PALLD: variants seen among roughly 807,000 people sequenced by gnomAD.
The protein encoded by PALLD is palladin, cytoskeletal associated protein.
Under a neutral mutation model 123.5 loss-of-function variants are expected in PALLD, and 61 were observed. The ratio of observed to expected loss-of-function variants is 0.49; its 90% CI spans 0.40 to 0.61. PALLD has a LOEUF of 0.61. Among genes scored for constraint, PALLD ranks in the 20% least tolerant of loss-of-function variants. The pLI, the probability that PALLD is intolerant of heterozygous loss-of-function variation, is 0.00. For missense variants in PALLD, 1,273 were observed against 1,377.0 expected (o/e 0.92, Z 1.20); for synonymous variants, 465 against 496.4 (o/e 0.94, Z 0.84).
chr4:168,642,326 C>T (rs1777041992), intron 2 of PALLD, among the ~76,000 whole-genome samples: 1 of 152,196 alleles, frequency 6.6e-6, no homozygotes, highest in Non-Finnish European at 1.5e-5. Flanking sequence ...TTGGTAGACA[C>T]ATTCCACTTA....
chr4:168,916,002 G>C lies in PALLD; in HGVS notation c.2825G>C (p.Gly942Ala), dbSNP rs1043925326. The change falls in exon 17 of 22, where the codon GGA becomes GCA. Residue 942 changes from glycine to alanine, a missense_variant. Gly to Ala is a moderately conservative substitution (Grantham distance 60). Coordinates refer to ENST00000505667, the MANE Select transcript of PALLD (RefSeq NM_001166108.2). ...QAPGDLTVQE[G>A]KLCRMDCKVS... is the part of the protein sequence containing the mutation. ...CCTGGAGATCTGACTGTTCAAGAAG[G>C]AAAACTCTGCAGAATGGACTGCAAA... 1 of 1,613,884 alleles carries C rather than the reference G, an allele frequency of 6.2e-7. No individual in the cohort carries two copies. The highest frequency in any genetic ancestry group is 8.5e-7 in the Non-Finnish European group (1 of 1,179,854).
At chr4:168,660,364 C>T (rs901729434) in intron 2 of PALLD, among the ~76,000 whole-genome samples, 2 of 152,168 alleles carry the variant, frequency 1.3e-5, no homozygotes, top group African/African-American at 2.4e-5. Context: ...CCTTTAACAA[C>T]TGGACTCAGA....
intron 2 of PALLD, among the ~76,000 whole-genome samples, chr4:168,646,973 A>G (rs548137002): frequency 3.4e-4 from 52 of 152,350 alleles, no homozygotes; most frequent in Middle Eastern, 6.8e-3. Context: ...TATAACACAT[A>G]CAACCAATAC....
chr4:168,829,042 C>G (rs1343142804), intron 10 of PALLD: 1 of 152,198 alleles, frequency 6.6e-6, no homozygotes, highest in Non-Finnish European at 1.5e-5. Flanking sequence ...CTTTTTCAAA[C>G]TTGGCAGAAA....
chr4:168,926,587 G>T lies in PALLD; in HGVS notation c.*407G>T. 1 of 478,916 alleles carries T rather than the reference G, an allele frequency of 2.1e-6. No individual in the cohort carries two copies. Among genetic ancestry groups the T allele is most frequent in the Non-Finnish European group, 3.7e-6 (1 of 271,564 alleles). The allele number at this position is 478,916 out of a possible 1,614,324, so 29.7% of individuals were successfully genotyped here. ...CTAATACAAATATACACATTGCACAGAAAATACACATTTACTGTCCAATTT... is the reference window on the plus strand; with the variant it reads ...CTAATACAAATATACACATTGCACATAAAATACACATTTACTGTCCAATTT... On this transcript the variant is annotated 3_prime_UTR_variant, in exon 22 of 22. Transcript: ENST00000505667.
chr4:168,923,522 A>G (rs894654245), intron 18 of PALLD, among the ~76,000 whole-genome samples: 1 of 152,116 alleles, frequency 6.6e-6, no homozygotes, highest in African/African-American at 2.4e-5. Context: ...TTCCCATTGG[A>G]TGGTATTATT....
chr4:168,571,271 T>C (rs368063915), intron 2 of PALLD, among the ~76,000 whole-genome samples: 1 of 152,184 alleles, frequency 6.6e-6, no homozygotes, highest in African/African-American at 2.4e-5. Flanking sequence ...TTCATCTATT[T>C]ACTCTATGTG....
intron 10 of PALLD, among the ~76,000 whole-genome samples, chr4:168,774,069 C>CTT (rs5863958): frequency 1.1e-3 from 158 of 141,202 alleles, no homozygotes; most frequent in Middle Eastern, 3.7e-3. Flanking sequence ...TTTTCTCTCT[C>CTT]TTTTTTTTTT....
At chr4:168,594,449 G>A (rs1297412344) in intron 2 of PALLD, among the ~76,000 whole-genome samples, 1 of 151,448 alleles carries the variant, frequency 6.6e-6, no homozygotes, top group Non-Finnish European at 1.5e-5. Context: ...GTGAGGGGAG[G>A]TAGTATCCCA....
intron 1 of PALLD, among the ~76,000 whole-genome samples, chr4:168,504,634 G>T (rs1212239365): frequency 6.6e-6 from 1 of 150,932 alleles, no homozygotes; most frequent in Non-Finnish European, 1.5e-5. Context: ...GAGCGTTTTA[G>T]GGAAAATGAC....
chr4:168,740,436 G>A (rs1581225309), intron 10 of PALLD, among the ~76,000 whole-genome samples: 2 of 152,080 alleles, frequency 1.3e-5, no homozygotes, highest in South Asian at 4.1e-4. Context: ...TCTAACTGTG[G>A]ATGCCTATAC....
chr4:168,690,931 G>A (rs1216621156), intron 7 of PALLD, among the ~76,000 whole-genome samples, 187 bp downstream of exon 7: 1 of 152,138 alleles, frequency 6.6e-6, no homozygotes, highest in East Asian at 1.9e-4. Context: ...TCTAATGAAA[G>A]TCATATATTC....
At chr4:168,501,473 A>C (rs915068575) in intron 1 of PALLD, among the ~76,000 whole-genome samples, 33 of 152,310 alleles carry the variant, frequency 2.2e-4, no homozygotes, top group African/African-American at 6.7e-4. Flanking sequence ...CACCGTGGAC[A>C]TTTACCTTTG....
intron 10 of PALLD, chr4:168,878,246 A>G (rs1407084522): frequency 1.3e-6 from 2 of 1,516,804 alleles, no homozygotes; most frequent in African/African-American, 1.4e-5. Context: ...GCCGCTCCCG[A>G]GCCCGGGACA....
intron 10 of PALLD, among the ~76,000 whole-genome samples, chr4:168,812,966 T>C (rs1332806025): frequency 6.6e-6 from 1 of 152,032 alleles, no homozygotes; most frequent in Non-Finnish European, 1.5e-5. Flanking sequence ...GATCCCAGGC[T>C]GTTTGAAAGA....
At chr4:168,650,472 C>T (rs1416344028) in intron 2 of PALLD, among the ~76,000 whole-genome samples, 1 of 152,130 alleles carries the variant, frequency 6.6e-6, no homozygotes, top group Admixed American at 6.5e-5. Context: ...CCATAATGGC[C>T]GTTTCCTTTT....
At position 168,685,466 on chromosome 4, in the gene PALLD, T is replaced by C. The variant is rs2150100971; in HGVS notation, c.1261-19T>C. On this transcript the variant is annotated intron_variant, in intron 5 of 21. Coordinates refer to ENST00000505667, the MANE Select transcript of PALLD (RefSeq NM_001166108.2). Reference sequence around the variant, plus strand: ...ATTTATATATTTAGAATTTGATCCATATGTCTCTGCTTTTGCAGGTTCACA... The same window carrying C: ...ATTTATATATTTAGAATTTGATCCACATGTCTCTGCTTTTGCAGGTTCACA... The C allele has an allele frequency of 6.5e-7, 1 of 1,545,404 alleles. No homozygotes were observed.
In PALLD at chr4:168,579,940, G is replaced by A. The variant is rs140955000; in HGVS notation, c.908+67528G>A. On this transcript the variant is annotated intron_variant, in intron 2 of 21. Transcript: ENST00000505667. Reference sequence around the variant, plus strand: ...CAGTAAACTTTAAATATAGAACACAGTGTTATTAATTATAATCACCATATT... The same window carrying A: ...CAGTAAACTTTAAATATAGAACACAATGTTATTAATTATAATCACCATATT... Among the ~76,000 whole-genome samples, 1,440 of 152,082 alleles carry A rather than the reference G, an allele frequency of 9.5e-3. 18 individuals are homozygous for A. Among genetic ancestry groups the A allele is most frequent in the African/African-American group, 0.033 (1,381 of 41,486 alleles).
At chr4:168,880,993 C>T (rs1195329955) in intron 10 of PALLD, among the ~76,000 whole-genome samples, 5 of 152,138 alleles carry the variant, frequency 3.3e-5, no homozygotes, top group East Asian at 1.9e-4. Context: ...CTGCCACCTC[C>T]GCCTCTGGGT....
Sources: gnomAD v4.1 joint callset for allele counts (sites outside exome capture counted in the v4.1 genomes callset) on GRCh38, gnomAD v4.1.1 for gene constraint, MANE v1.5 for transcripts, NCBI Gene and HGNC (gene_info 2026-07-23, HGNC 2026-07-21) for gene names.